Variants in PGAM5 observed in about 807,000 individuals in gnomAD.
The protein encoded by PGAM5 is serine/threonine-protein phosphatase PGAM5, mitochondrial.
A neutral mutation model predicts 30.6 loss-of-function variants in PGAM5; 25 were observed. The observed-to-expected ratio is 0.82, with a 90% confidence interval of 0.60 to 1.14. The LOEUF is 1.14. PGAM5 is among the 50% of genes most tolerant of loss of function. The pLI is 0.00. For missense variants in PGAM5, 384 were observed against 408.5 expected (o/e 0.94, Z 0.52); for synonymous variants, 201 against 179.1 (o/e 1.12, Z -0.98).
rs2043641496 is a variant in PGAM5 at position 132,721,179 on chromosome 12, C to T, written c.*351C>T. On this transcript the variant is annotated 3_prime_UTR_variant, in exon 6 of 6. Transcript: ENST00000498926. ...CTCCATTGGCAAAGCCGGTCAGGCA[C>T]GAGGGCGACTGAGGCACGTGGATGA... 5.4e-6 allele frequency: 1 copy of T among 185,796 alleles called. No homozygotes were observed. 11.5% of individuals were successfully genotyped at this position (185,796 alleles called of 1,614,324 possible).
In PGAM5 at chr12:132,717,756, C is replaced by T. The variant is rs557299798; in HGVS notation, c.543C>T (p.Ile181=). 8 of 1,585,362 alleles carry T rather than the reference C, an allele frequency of 5.0e-6. No homozygotes were observed. The highest frequency in any genetic ancestry group is 1.8e-5 in the Admixed American group (1 of 55,872). The change falls in exon 4 of 6, where the codon ATC becomes ATT. Residue 181 remains isoleucine (I), a synonymous_variant. Transcript: ENST00000498926. ...ATCTGCTGCGGGAAGGCGCCCCCAT[C>T]GAGCCAGACCCGCCCGTGTCTCATT... ...STDLLREGAP[I]EPDPPVSHWK... is the part of the protein sequence containing the mutation.
Position 132,711,049 on chromosome 12 carries a change from G to T in PGAM5, c.173G>T (p.Trp58Leu). 1 of 1,212,766 alleles carries T rather than the reference G, an allele frequency of 8.2e-7. No individual in the cohort carries two copies. The allele number at this position is 1,212,766 out of a possible 1,614,324, so 75.1% of individuals were successfully genotyped here. ...AGGARPGPGV[W>L]DPNWDRREPL... ...GGCGCGCGGCCGGGCCCCGGTGTCT[G>T]GGACCCCAACTGGGACAGGTGCGCG... is the stretch of plus-strand genomic sequence containing the variant. The change falls in exon 1 of 6, where the codon TGG becomes TTG. Residue 58 changes from tryptophan (W) to leucine (L), a missense_variant. Trp to Leu is a moderately conservative substitution (Grantham distance 61). Transcript: ENST00000498926.
Position 132,721,075 on chromosome 12 carries a change from C to G in PGAM5, c.*247C>G. The G allele has an allele frequency of 2.6e-6, 1 of 392,058 alleles. No individual in the cohort carries two copies. Among genetic ancestry groups the G allele is most frequent in the Non-Finnish European group, 4.6e-6 (1 of 217,694 alleles). 24.3% of individuals were successfully genotyped at this position (392,058 alleles called of 1,614,324 possible). A position where few individuals can be genotyped will look rare whatever the true frequency, so the allele number is the denominator to read the frequency against. ...GAAAGCGTCTCACGCACAAGTCAGG[C>G]CTGTTGTGGGGACTTGAAAGAGGCC... On this transcript the variant is annotated 3_prime_UTR_variant, in exon 6 of 6. Transcript: ENST00000498926.
chr12:132,717,689 CTTCGCTG>C lies in PGAM5; in HGVS notation c.497-19_497-13del. 6.4e-7 allele frequency: 1 copy of C among 1,564,854 alleles called. No individual in the cohort carries two copies. The highest frequency in any genetic ancestry group is 8.7e-7 in the Non-Finnish European group (1 of 1,154,114). On this transcript the variant is annotated splice_polypyrimidine_tract_variant and intron_variant, in intron 3 of 5. Transcript: ENST00000498926. ...GCCGGCGGGGCCGCCTCACCCAGCGCTTCGCTGTGCTTCTCTGCAGGCGTCTGCAAAG... is the reference window on the plus strand; with the variant it reads ...GCCGGCGGGGCCGCCTCACCCAGCGCTGCTTCTCTGCAGGCGTCTGCAAAG...
In PGAM5 at chr12:132,717,685, A is replaced by T. The variant is rs2043595311; in HGVS notation, c.497-25A>T. The T allele has an allele frequency of 1.9e-6, 3 of 1,564,232 alleles. No homozygotes were observed. In the Admixed American group the frequency reaches 5.7e-5, roughly 30 times the overall value. On this transcript the variant is annotated intron_variant, in intron 3 of 5. Transcript: ENST00000498926. ...CTCCGCCGGCGGGGCCGCCTCACCC[A>T]GCGCTTCGCTGTGCTTCTCTGCAGG...
chr12:132,714,087 G>A (rs534753894), intron 1 of PGAM5, among the ~76,000 whole-genome samples: 2 of 152,222 alleles, frequency 1.3e-5, no homozygotes, highest in South Asian at 4.1e-4. Context: ...GCACGATCTC[G>A]GCTCTCTGCA....
chr12:132,711,089 G>T, intron 1 of PGAM5, 22 bp downstream of exon 1: 1 of 1,205,424 alleles, frequency 8.3e-7, no homozygotes, highest in East Asian at 3.3e-5. Flanking sequence ...GCTGTTTGGG[G>T]CCGGGGTCGG....
chr12:132,721,158 A>G lies in PGAM5; in HGVS notation c.*330A>G, dbSNP rs1271749498. On this transcript the variant is annotated 3_prime_UTR_variant, in exon 6 of 6. Transcript: ENST00000498926. ...GACCCGTGCTGAGGGTCCAGGCTCC[A>G]TTGGCAAAGCCGGTCAGGCACGAGG... 3 of 205,576 alleles carry G rather than the reference A, an allele frequency of 1.5e-5. No individual in the cohort carries two copies. The highest frequency in any genetic ancestry group is 3.3e-4 in the South Asian group (2 of 6,150). 12.7% of individuals were successfully genotyped at this position (205,576 alleles called of 1,614,324 possible). A position where few individuals can be genotyped will look rare whatever the true frequency, so the allele number is the denominator to read the frequency against.
Position 132,717,456 on chromosome 12 carries a change from C to G in PGAM5, c.388C>G (p.Leu130Val), listed in dbSNP as rs1259786778. 1 of 1,608,292 alleles carries G rather than the reference C, an allele frequency of 6.2e-7. No homozygotes were observed. Among genetic ancestry groups the G allele is most frequent in the Non-Finnish European group, 8.5e-7 (1 of 1,179,836 alleles). Residue 130 changes from leucine to valine, a missense_variant, in exon 3 of 6, where the codon CTC becomes GTC. Leu to Val is a conservative substitution (Grantham distance 32). Transcript: ENST00000498926. ...CCTTCCAGGTCGGGAGCAGGCTGAA[C>G]TCACTGGGCTCCGCCTGGCAAGCTT... The part of the protein sequence containing the change: ...LTPLGREQAE[L>V]TGLRLASLGL...
intron 2 of PGAM5, among the ~76,000 whole-genome samples, chr12:132,716,808 C>T (rs1385918927): frequency 6.6e-6 from 1 of 152,198 alleles, no homozygotes; most frequent in East Asian, 1.9e-4. Context: ...CAGGGCTGTC[C>T]TCCACAGACG....
Position 132,714,916 on chromosome 12 carries a change from G to A in PGAM5, c.250G>A (p.Glu84Lys). The stretch of plus-strand genomic sequence containing the variant: ...GAGGAACGTGGAATCTGGGGAAGAA[G>A]AGCTGGCGTCCAAGCTGGACCACTA... ...RKRNVESGEE[E>K]LASKLDHYKA... The change falls in exon 2 of 6, where the codon GAG becomes AAG. Residue 84 changes from glutamate to lysine, a missense_variant. Transcript: ENST00000498926. 2 of 1,613,782 alleles carry A rather than the reference G, an allele frequency of 1.2e-6. No individual in the cohort carries two copies. Among genetic ancestry groups the A allele is most frequent in the South Asian group, 1.1e-5 (1 of 91,082 alleles).
intron 2 of PGAM5, among the ~76,000 whole-genome samples, chr12:132,717,236 C>G (rs560357648): frequency 6.6e-6 from 1 of 150,446 alleles, no homozygotes; most frequent in African/African-American, 2.5e-5. Flanking sequence ...GCCCAAGCCT[C>G]GGGCGGGCAG....
chr12:132,719,508 C>T (rs931322432), intron 5 of PGAM5, among the ~76,000 whole-genome samples: 1 of 152,330 alleles, frequency 6.6e-6, no homozygotes, highest in Non-Finnish European at 1.5e-5. Context: ...TGCTGTGAGT[C>T]GTTCGTTGCC....
intron 1 of PGAM5, 115 bp from the exon 2 acceptor site, chr12:132,714,743 G>A (rs913539968): frequency 8.1e-7 from 1 of 1,236,200 alleles, no homozygotes; most frequent in African/African-American, 1.5e-5. Context: ...CAAGGGCCTT[G>A]TCTTCTCTCC....
intron 5 of PGAM5, among the ~76,000 whole-genome samples, chr12:132,720,166 A>G (rs993219065): frequency 1.0e-5 from 1 of 96,644 alleles, no homozygotes; most frequent in Admixed American, 1.1e-4. Context: ...GACTGAAGAC[A>G]GGAGCGGCTC....
chr12:132,717,507 C>T lies in PGAM5; in HGVS notation c.439C>T (p.His147Tyr), dbSNP rs1263938501. 6.8e-6 allele frequency: 11 copies of T among 1,611,000 alleles called. No homozygotes were observed. Among genetic ancestry groups the T allele is most frequent in the Non-Finnish European group, 8.5e-6 (10 of 1,179,936 alleles). ...GGGGTTGAAGTTTAATAAAATCGTCCATTCGTCTATGACGCGCGCCATAGA... is the reference window on the plus strand; with the variant it reads ...GGGGTTGAAGTTTAATAAAATCGTCTATTCGTCTATGACGCGCGCCATAGA... Reference protein sequence around the residue: ...SLGLKFNKIVHSSMTRAIETT... With the variant: ...SLGLKFNKIVYSSMTRAIETT... Residue 147 changes from histidine (H) to tyrosine (Y), a missense_variant, in exon 3 of 6, where the codon CAT becomes TAT. Physicochemically the swap from His to Tyr is moderately conservative, Grantham distance 83. Coordinates refer to ENST00000498926, the MANE Select transcript of PGAM5 (RefSeq NM_001170543.2).
intron 4 of PGAM5, 80 bp downstream of exon 4, chr12:132,717,878 A>ACGTGCCCGGCCGTCCCACGGG (rs1194171958): frequency 3.8e-6 from 6 of 1,593,306 alleles, no homozygotes; most frequent in South Asian, 1.1e-5. Flanking sequence ...ACCATCCACC[A>ACGTGCCCGGCCGTCCCACGGG]CGTGCCCGGC....
intron 5 of PGAM5, 23 bp from the exon 6 acceptor site, chr12:132,720,655 T>TCC: frequency 9.3e-7 from 1 of 1,071,678 alleles, no homozygotes; most frequent in Non-Finnish European, 1.2e-6. Flanking sequence ...ACGTGCTCTT[T>TCC]CTCTCTCTCT....
rs1211477870 is a variant in PGAM5 at position 132,720,864 on chromosome 12, A to C, written c.*36A>C. ...CTCTCCTTCCCTCTGTCCTCCCTGC[A>C]CAGGCCGCACACACTTAACGTTTTG... On this transcript the variant is annotated 3_prime_UTR_variant, in exon 6 of 6. Transcript: ENST00000498926. 6.5e-7 allele frequency: 1 copy of C among 1,527,802 alleles called. No individual in the cohort carries two copies. Among genetic ancestry groups the C allele is most frequent in the Non-Finnish European group, 8.8e-7 (1 of 1,141,540 alleles). The allele number at this position is 1,527,802 out of a possible 1,614,324, so 94.6% of individuals were successfully genotyped here.
Sources: gnomAD v4.1 joint callset for allele counts (sites outside exome capture counted in the v4.1 genomes callset) on GRCh38, gnomAD v4.1.1 for gene constraint, MANE v1.5 for transcripts, NCBI Gene and HGNC (gene_info 2026-07-23, HGNC 2026-07-21) for gene names.